Variants in ITPR3 observed in about 807,000 individuals in gnomAD.
The protein encoded by ITPR3 is inositol 1,4,5-trisphosphate receptor type 3, also known as inositol 1,4,5-trisphosphate-gated calcium channel ITPR3.
In ITPR3, 173 loss-of-function variants were observed where a neutral mutation model predicts 293.2. That is an observed-to-expected ratio of 0.59 (90% CI 0.52 to 0.67). The LOEUF is 0.67. Among genes scored for constraint, ITPR3 ranks in the 30% least tolerant of loss-of-function variants. The pLI is 0.00. For missense variants in ITPR3, 2,796 were observed against 3,592.1 expected, an observed-to-expected ratio of 0.78 and a Z score of 5.66; for synonymous variants, 1,295 against 1,444.4, an observed-to-expected ratio of 0.90 and a Z score of 2.35.
In ITPR3 at chr6:33,682,561, C is replaced by A; in HGVS notation, c.4514C>A (p.Thr1505Asn). 6.3e-7 allele frequency: 1 copy of A among 1,582,970 alleles called. No individual in the cohort carries two copies. Among genetic ancestry groups the A allele is most frequent in the Non-Finnish European group, 8.6e-7 (1 of 1,163,716 alleles). ...ATTGTGGTGCAGCTGCTGCAGTCTACCACACGCCTCCTCGAGTGTCCGTGG... is the reference window on the plus strand; with the variant it reads ...ATTGTGGTGCAGCTGCTGCAGTCTAACACACGCCTCCTCGAGTGTCCGTGG... ...QTIVVQLLQSTTRLLECPWLQ... is the reference protein window; with the variant it reads ...QTIVVQLLQSNTRLLECPWLQ... Residue 1505 changes from threonine (T) to asparagine (N), a missense_variant, in exon 34 of 58, where the codon ACC becomes AAC. Thr to Asn is a moderately conservative substitution (Grantham distance 65). Around this residue, in one of 8 missense-constraint regions of ITPR3, gnomAD observed 704 missense variants for 797.5 expected, o/e 0.88. Coordinates refer to ENST00000605930, the MANE Select transcript of ITPR3 (RefSeq NM_002224.4). The surrounding 1 kb of genome is among the most constrained non-coding windows in gnomAD (Gnocchi z 5.4).
At position 33,695,732 on chromosome 6, in the gene ITPR3, C is replaced by A; in HGVS notation, c.7968C>A (p.Arg2656=). The A allele has an allele frequency of 1.9e-6, 3 of 1,614,176 alleles. No homozygotes were observed. Among genetic ancestry groups the A allele is most frequent in the Non-Finnish European group, 2.5e-6 (3 of 1,180,044 alleles). ...CCTAGATGACGGAGCAGCGGAAACG[C>A]AGGCAACGCCTAGGCTTTGTGGATG... ...LKEQMTEQRK[R]RQRLGFVDVQ... is the part of the protein sequence containing the mutation. Residue 2656 remains arginine, a synonymous_variant, in exon 58 of 58, where the codon CGC becomes CGA. Coordinates refer to ENST00000605930, the MANE Select transcript of ITPR3 (RefSeq NM_002224.4).
chr6:33,667,006 C>G lies in ITPR3; in HGVS notation c.1552-123C>G. Reference sequence around the variant, plus strand: ...GTTGTGGTCCAGCTTAGAATCAGCTCGAAGCTGATGTCCGGGCTGGCTTTA... The same window carrying G: ...GTTGTGGTCCAGCTTAGAATCAGCTGGAAGCTGATGTCCGGGCTGGCTTTA... On this transcript the variant is annotated intron_variant, in intron 14 of 57. Coordinates refer to ENST00000605930, the MANE Select transcript of ITPR3 (RefSeq NM_002224.4). This position sits in a 1 kb window ranked among gnomAD's most constrained non-coding sequence, Gnocchi z 4.4. 8.6e-7 allele frequency: 1 copy of G among 1,163,406 alleles called. No homozygotes were observed. Among genetic ancestry groups the G allele is most frequent in the East Asian group, 2.4e-5 (1 of 40,958 alleles). 72.1% of individuals were successfully genotyped at this position (1,163,406 alleles called of 1,614,324 possible).
At chr6:33,685,257 TGCAGCCCCA>T (rs1765193717) in intron 39 of ITPR3, 93 bp from the exon 40 acceptor site, 1 of 1,212,646 alleles carries the variant, frequency 8.2e-7, no homozygotes, top group Non-Finnish European at 1.2e-6. Flanking sequence ...GCCAGGCCCC[TGCAGCCCCA>T]GCGGCCCCAG....
At chr6:33,685,052 A>G (rs1765187747) in intron 39 of ITPR3, 109 bp downstream of exon 39, 3 of 1,270,174 alleles carry the variant, frequency 2.4e-6, no homozygotes, top group Non-Finnish European at 2.2e-6. Flanking sequence ...GAAAGAGGAG[A>G]GGCCTGAGCA....
Position 33,685,412 on chromosome 6 carries a change from G to C in ITPR3, c.5361G>C (p.Lys1787Asn). The change falls in exon 40 of 58, where the codon AAG (lysine) becomes AAC (asparagine). Residue 1787 changes from lysine to asparagine, a missense_variant. By Grantham distance (94) the Lys-to-Asn change is moderately conservative (BLOSUM62 0). Around this residue, in one of 8 missense-constraint regions of ITPR3, gnomAD observed 704 missense variants for 797.5 expected, o/e 0.88. Transcript: ENST00000605930. The part of the protein sequence containing the change: ...MSDKKSERFF[K>N]VLHDRMKRAQ... Reference sequence around the variant, plus strand: ...ACAAGAAGTCAGAGCGCTTCTTCAAGGTGCTGCACGACCGCATGAAGCGGG... The same window carrying C: ...ACAAGAAGTCAGAGCGCTTCTTCAACGTGCTGCACGACCGCATGAAGCGGG... The C allele has an allele frequency of 6.2e-7, 1 of 1,614,142 alleles. No homozygotes were observed. Among genetic ancestry groups the C allele is most frequent in the Non-Finnish European group, 8.5e-7 (1 of 1,179,970 alleles).
chr6:33,665,532 A>G lies in ITPR3; in HGVS notation c.1410-303A>G, dbSNP rs889269444. On this transcript the variant is annotated intron_variant, in intron 13 of 57. Coordinates refer to ENST00000605930, the MANE Select transcript of ITPR3 (RefSeq NM_002224.4). ...AGTAAGTGGCAGAGTCAGGATGCAAATGCAGCCCCCTTCACACCAGACTCC... is the reference window on the plus strand; with the variant it reads ...AGTAAGTGGCAGAGTCAGGATGCAAGTGCAGCCCCCTTCACACCAGACTCC... Among the ~76,000 whole-genome samples, 3 of 151,638 alleles carry G rather than the reference A, an allele frequency of 2.0e-5. No individual in the cohort carries two copies. The East Asian group carries it at 5.9e-4, about 30-fold the overall frequency.
intron 51 of ITPR3, among the ~76,000 whole-genome samples, chr6:33,690,574 A>G (rs1561883442): frequency 6.6e-6 from 1 of 152,218 alleles, no homozygotes; most frequent in African/African-American, 2.4e-5. Context: ...GCATTCTAAA[A>G]TAATTGTGAG....
intron 1 of ITPR3, among the ~76,000 whole-genome samples, chr6:33,639,444 C>CTGGTTA (rs1763898731): frequency 5.3e-5 from 8 of 151,322 alleles, no homozygotes; most frequent in Admixed American, 5.3e-4. Context: ...ACAGAAGGAG[C>CTGGTTA]ACGGGCTTTG....
chr6:33,669,618 A>C (rs562529855), intron 18 of ITPR3, among the ~76,000 whole-genome samples: 28 of 152,298 alleles, frequency 1.8e-4, no homozygotes, highest in Admixed American at 1.2e-3. Flanking sequence ...TCATCATCAT[A>C]ATAATCTCTT....
Position 33,683,311 on chromosome 6 carries a change from A to C in ITPR3, c.4702A>C (p.Ser1568Arg), listed in dbSNP as rs908846076. The change falls in exon 35 of 58, where the codon AGC becomes CGC. Residue 1568 changes from serine to arginine, a missense_variant. By Grantham distance (110) the Ser-to-Arg change is moderately radical. Coordinates refer to ENST00000605930, the MANE Select transcript of ITPR3 (RefSeq NM_002224.4). The surrounding 1 kb of genome is among the most constrained non-coding windows in gnomAD (Gnocchi z 4.5). ...AGCTGCCGCCCAGCGGAACGCCTCC[A>C]GCTACAAGGCAACCACGCGGGCCTT... Reference protein sequence around the residue: ...CAAAAQRNASSYKATTRAFPR... With the variant: ...CAAAAQRNASRYKATTRAFPR... 1 of 1,589,308 alleles carries C rather than the reference A, an allele frequency of 6.3e-7. No individual in the cohort carries two copies. Among genetic ancestry groups the C allele is most frequent in the Non-Finnish European group, 8.6e-7 (1 of 1,168,538 alleles).
Position 33,684,633 on chromosome 6 carries a change from C to T in ITPR3, c.5082C>T (p.Tyr1694=). The change falls in exon 38 of 58, where the codon TAC becomes TAT. Residue 1694 remains tyrosine (Y), a synonymous_variant. Transcript: ENST00000605930. The surrounding 1 kb of genome is among the most constrained non-coding windows in gnomAD (Gnocchi z 4.2). The stretch of plus-strand genomic sequence containing the variant: ...TGCGCAAGATGCTGCTGCAAAACTA[C>T]CTCCAGAACCGGAAGTCCACCTCGC... ...NQLRKMLLQN[Y]LQNRKSTSRG... is the part of the protein sequence containing the mutation. The T allele has an allele frequency of 1.9e-6, 3 of 1,614,168 alleles. No individual in the cohort carries two copies. Among genetic ancestry groups the T allele is most frequent in the South Asian group, 1.1e-5 (1 of 91,086 alleles).
rs1764262190 is a variant in ITPR3 at position 33,654,493 on chromosome 6, C to T, written c.161-1273C>T. 1.3e-5 allele frequency among the ~76,000 whole-genome samples: 2 copies of T among 152,164 alleles called. No homozygotes were observed. Among genetic ancestry groups the T allele is most frequent in the African/African-American group, 4.8e-5 (2 of 41,498 alleles). On this transcript the variant is annotated intron_variant, in intron 2 of 57. Coordinates refer to ENST00000605930, the MANE Select transcript of ITPR3 (RefSeq NM_002224.4). This position sits in a 1 kb window ranked among gnomAD's most constrained non-coding sequence, Gnocchi z 4.1. ...CACTCTGTTTCTACTCCCGATGGTC[C>T]CATGGAGCTTTTGCCTCCTTATGAA... is the stretch of plus-strand genomic sequence containing the variant.
In ITPR3 at chr6:33,655,738, C is replaced by G; in HGVS notation, c.161-28C>G. 1 of 1,613,618 alleles carries G rather than the reference C, an allele frequency of 6.2e-7. No individual in the cohort carries two copies. The highest frequency in any genetic ancestry group is 1.1e-5 in the South Asian group (1 of 91,054). On this transcript the variant is annotated intron_variant, in intron 2 of 57. Transcript: ENST00000605930. The surrounding 1 kb of genome is among the most constrained non-coding windows in gnomAD (Gnocchi z 4.9). The stretch of plus-strand genomic sequence containing the variant: ...GCCCTGAGCCCCAGATGAATCATTC[C>G]CCTCACCCCCAACCTGCCCCACCAC...
In ITPR3 at chr6:33,691,910, C is replaced by A; in HGVS notation, c.7440C>A (p.Leu2480=). Residue 2480 remains leucine (L), a synonymous_variant, in exon 54 of 58, where the codon CTC becomes CTA. Transcript: ENST00000605930. This position sits in a 1 kb window ranked among gnomAD's most constrained non-coding sequence, Gnocchi z 4.9. The part of the protein sequence containing the change: ...LRNGGGVGDI[L]RKPSKDESLF... ...ACGGTGGTGGCGTGGGCGACATTCT[C>A]CGCAAGCCCTCCAAAGATGTGAGCA... The A allele has an allele frequency of 1.2e-6, 2 of 1,614,094 alleles. No individual in the cohort carries two copies. The highest frequency in any genetic ancestry group is 1.7e-6 in the Non-Finnish European group (2 of 1,180,024).
chr6:33,695,964 A>C lies in ITPR3; in HGVS notation c.*184A>C. ...ATGGAGGGGGAGCCTCAGAGCTGAC[A>C]GTCCTGCTTAGAGCCCTTAAAAAGA... On this transcript the variant is annotated 3_prime_UTR_variant, in exon 58 of 58. Transcript: ENST00000605930. The C allele has an allele frequency of 1.7e-6, 1 of 605,108 alleles. No homozygotes were observed. Among genetic ancestry groups the C allele is most frequent in the Non-Finnish European group, 3.0e-6 (1 of 338,880 alleles). The allele number at this position is 605,108 out of a possible 1,614,324, so 37.5% of individuals were successfully genotyped here. A position where few individuals can be genotyped will look rare whatever the true frequency, so the allele number is the denominator to read the frequency against.
At chr6:33,643,974 G>A (rs921009054) in intron 2 of ITPR3, among the ~76,000 whole-genome samples, 13 of 152,212 alleles carry the variant, frequency 8.5e-5, no homozygotes, top group African/African-American at 2.2e-4. Flanking sequence ...GTCAGGTCAC[G>A]AGGTCCAGAG....
chr6:33,631,517 G>A (rs967932310), intron 1 of ITPR3, among the ~76,000 whole-genome samples: 2 of 152,224 alleles, frequency 1.3e-5, no homozygotes, highest in Admixed American at 6.5e-5. Flanking sequence ...AAGACTTTAA[G>A]ACTTTCACTA....
Position 33,684,155 on chromosome 6 carries a change from G to A in ITPR3, c.4924G>A (p.Gly1642Ser). The part of the protein sequence containing the change: ...SEAYQRCESG[G>S]FLSKLIQHTK... Reference sequence around the variant, plus strand: ...GGCCTACCAGCGCTGCGAGAGTGGGGGCTTCCTGTCCAAGTGAGCGAGACA... The same window carrying A: ...GGCCTACCAGCGCTGCGAGAGTGGGAGCTTCCTGTCCAAGTGAGCGAGACA... Residue 1642 changes from glycine (G) to serine (S), a missense_variant, in exon 36 of 58, where the codon GGC becomes AGC. Physicochemically the swap from Gly to Ser is moderately conservative, Grantham distance 56 (BLOSUM62 0). Transcript: ENST00000605930. The surrounding 1 kb of genome is among the most constrained non-coding windows in gnomAD (Gnocchi z 4.2). 6.2e-7 allele frequency: 1 copy of A among 1,610,746 alleles called. No homozygotes were observed. The highest frequency in any genetic ancestry group is 8.5e-7 in the Non-Finnish European group (1 of 1,179,794).
At chr6:33,630,718 G>T (rs1763656197) in intron 1 of ITPR3, among the ~76,000 whole-genome samples, 1 of 152,208 alleles carries the variant, frequency 6.6e-6, no homozygotes, top group Non-Finnish European at 1.5e-5. Context: ...AAGTTTAGTT[G>T]TTCTTGCTAT....
Sources: gnomAD v4.1 joint callset for allele counts (sites outside exome capture counted in the v4.1 genomes callset) on GRCh38, gnomAD v4.1.1 for gene constraint, gnomAD v4.1.1 regional missense constraint, Gnocchi (gnomAD v3.1) non-coding constraint, MANE v1.5 for transcripts, NCBI Gene and HGNC (gene_info 2026-07-23, HGNC 2026-07-21) for gene names.